The following PDE10A variants were observed in gnomAD, a reference collection of about 807,000 sequenced individuals.
PDE10A encodes cAMP and cAMP-inhibited cGMP 3',5'-cyclic phosphodiesterase 10A.
PDE10A carries 39 observed loss-of-function variants against 97.7 expected under a neutral mutation model. The ratio of observed to expected loss-of-function variants is 0.40; its 90% CI spans 0.31 to 0.52. The LOEUF (loss-of-function observed/expected upper bound fraction) is 0.52, where lower values mean the gene tolerates loss of function less well. PDE10A is among the 20% of genes least tolerant of loss of function. The probability of loss-of-function intolerance (pLI) is 0.56; values close to 1 mark genes in which losing one functional copy is unlikely to be tolerated. For synonymous variants in PDE10A, 371 were observed against 376.8 expected, an observed-to-expected ratio of 0.98 and a Z score of 0.18; for missense variants, 731 against 1,047.8, an observed-to-expected ratio of 0.70 and a Z score of 4.17.
At chr6:165,868,584 A>G (rs1272650489) in intron 1 of PDE10A, among the ~76,000 whole-genome samples, 1 of 152,006 alleles carries the variant, frequency 6.6e-6, no homozygotes, top group African/African-American at 2.4e-5. Context: ...TGAAACTTCT[A>G]AAGAACAAAT....
At position 165,930,452 on chromosome 6, in the gene PDE10A, A is replaced by G. The variant is rs1417324140; in HGVS notation, c.-615+57077T>C. Among the ~76,000 whole-genome samples the G allele has an allele frequency of 2.0e-5, 3 of 152,246 alleles. No individual in the cohort carries two copies. The East Asian group carries it at 5.8e-4, about 29-fold the overall frequency. On this transcript the variant is annotated intron_variant, in intron 1 of 19. Coordinates refer to the PDE10A transcript ENST00000366882. ...GTCTATGGACATGACCAACTGGATC[A>G]GGGAAGAAAACAGAGAAATAAGGAG...
chr6:165,465,628 C>A (rs1778593198), intron 3 of PDE10A, among the ~76,000 whole-genome samples: 1 of 152,148 alleles, frequency 6.6e-6, no homozygotes, highest in African/African-American at 2.4e-5. Flanking sequence ...AGGAAACTTA[C>A]AATCATAGTG....
At chr6:165,847,558 C>T (rs1298518038) in intron 1 of PDE10A, among the ~76,000 whole-genome samples, 2 of 152,236 alleles carry the variant, frequency 1.3e-5, no homozygotes, top group African/African-American at 2.4e-5. Flanking sequence ...CCTGGTGAGT[C>T]GGCCACGGGG....
chr6:165,631,910 C>T (rs1348350008), intron 1 of PDE10A, among the ~76,000 whole-genome samples: 2 of 152,084 alleles, frequency 1.3e-5, no homozygotes, highest in African/African-American at 2.4e-5. Flanking sequence ...TTTAAAGATA[C>T]TGAGTCTAGG....
intron 1 of PDE10A, among the ~76,000 whole-genome samples, chr6:165,727,762 G>A (rs1368172578): frequency 6.6e-6 from 1 of 152,142 alleles, no homozygotes; most frequent in African/African-American, 2.4e-5. Context: ...TGGTATATTT[G>A]TTTACTTAAA....
intron 1 of PDE10A, among the ~76,000 whole-genome samples, chr6:165,963,684 C>T (rs984809305): frequency 1.3e-5 from 2 of 152,216 alleles, no homozygotes; most frequent in African/African-American, 4.8e-5. Context: ...ATGGGGGCGG[C>T]CACACCTGTC....
chr6:165,835,751 C>G (rs138983275), intron 1 of PDE10A, among the ~76,000 whole-genome samples: 1 of 152,146 alleles, frequency 6.6e-6, no homozygotes, highest in African/African-American at 2.4e-5. Context: ...CAGCTCAGAA[C>G]GGCCTTGGCA....
Position 165,433,010 on chromosome 6 carries a change from G to A in PDE10A, c.1455C>T (p.His485=), listed in dbSNP as rs769922360. The change falls in exon 7 of 22, where the codon CAC becomes CAT. Residue 485 remains histidine (H), a synonymous_variant. Transcript: ENST00000539869. ...DLIGILELYR[H]WGKEAFCLSH... is the part of the protein sequence containing the mutation. ...TAAGACAGAAGGCTTCTTTGCCCCA[G>A]TGCCGATACAGCTCGAGAATACCAA... The A allele has an allele frequency of 2.5e-6, 4 of 1,613,948 alleles. No homozygotes were observed. The highest frequency in any genetic ancestry group is 3.4e-6 in the Non-Finnish European group (4 of 1,179,906).
At chr6:165,394,438 G>A (rs1785976503) in intron 15 of PDE10A, among the ~76,000 whole-genome samples, 2 of 152,124 alleles carry the variant, frequency 1.3e-5, no homozygotes, top group South Asian at 4.1e-4. Context: ...TGGTGTGTAT[G>A]TGCCACATTT....
chr6:165,582,387 T>C (rs1275253121), intron 1 of PDE10A, among the ~76,000 whole-genome samples: 1 of 152,178 alleles, frequency 6.6e-6, no homozygotes, highest in African/African-American at 2.4e-5. Flanking sequence ...AAGCAAATCA[T>C]TACAAGCATA....
At chr6:165,866,862 A>G (rs908984782) in intron 1 of PDE10A, among the ~76,000 whole-genome samples, 8 of 152,002 alleles carry the variant, frequency 5.3e-5, no homozygotes, top group African/African-American at 1.9e-4. Flanking sequence ...CAAAAATAAA[A>G]AAGAAGTAAA....
intron 8 of PDE10A, among the ~76,000 whole-genome samples, chr6:165,431,164 A>G (rs897366292): frequency 5.3e-5 from 8 of 151,842 alleles, no homozygotes; most frequent in Non-Finnish European, 1.0e-4. Context: ...TATGCCATTT[A>G]TTGCATTAAT....
chr6:165,908,014 T>C lies in PDE10A; in HGVS notation c.-615+79515A>G, dbSNP rs143733822. Among the ~76,000 whole-genome samples the C allele has an allele frequency of 1.6e-4, 24 of 152,336 alleles. No individual in the cohort carries two copies. In the East Asian group the frequency reaches 4.4e-3, roughly 28 times the overall value. On this transcript the variant is annotated intron_variant, in intron 1 of 19. Transcript: ENST00000366882. ...GAGGGTGAACTTTAAACAAGTGTCGTTCTGGAGTCAAGTCAGGAACTGAGG... is the reference window on the plus strand; with the variant it reads ...GAGGGTGAACTTTAAACAAGTGTCGCTCTGGAGTCAAGTCAGGAACTGAGG...
intron 1 of PDE10A, among the ~76,000 whole-genome samples, chr6:165,684,396 C>T (rs770714356): frequency 1.3e-5 from 2 of 152,218 alleles, no homozygotes; most frequent in Non-Finnish European, 2.9e-5. Context: ...ATTTGTTCAT[C>T]GAATAAGTGA....
At chr6:165,635,265 A>G (rs972610344) in intron 1 of PDE10A, among the ~76,000 whole-genome samples, 3 of 152,252 alleles carry the variant, frequency 2.0e-5, no homozygotes, top group Non-Finnish European at 4.4e-5. Context: ...ATTAAAAGGT[A>G]CGTGCCTAAC....
At chr6:165,751,977 A>C (rs1218463395) in intron 1 of PDE10A, among the ~76,000 whole-genome samples, 1 of 151,100 alleles carries the variant, frequency 6.6e-6, no homozygotes, top group Admixed American at 6.6e-5. Flanking sequence ...ATGTCTACTA[A>C]AAAAAAAGTG....
chr6:165,735,674 G>T (rs539473956), intron 1 of PDE10A, among the ~76,000 whole-genome samples: 30 of 152,246 alleles, frequency 2.0e-4, no homozygotes, highest in Non-Finnish European at 1.9e-4. Context: ...GGGATGGTCA[G>T]TTTTTTGTTC....
chr6:165,583,067 T>C (rs1785707077), intron 1 of PDE10A, among the ~76,000 whole-genome samples: 2 of 152,212 alleles, frequency 1.3e-5, no homozygotes, highest in African/African-American at 4.8e-5. Context: ...ATAGCATTAG[T>C]CTGAATTTGT....
At chr6:165,681,394 ATGTGTGTGTG>A (rs145137771) in intron 1 of PDE10A, among the ~76,000 whole-genome samples, 50 of 150,566 alleles carry the variant, frequency 3.3e-4, no homozygotes, top group Admixed American at 5.3e-4. Flanking sequence ...TCTTGGGAAA[ATGTGTGTGTG>A]TGTGTGTGTG....
Sources: gnomAD v4.1 joint callset for allele counts (sites outside exome capture counted in the v4.1 genomes callset) on GRCh38, gnomAD v4.1.1 for gene constraint, MANE v1.5 for transcripts, NCBI Gene and HGNC (gene_info 2026-07-23, HGNC 2026-07-21) for gene names.